The following RORB variants were observed in gnomAD, a reference collection of about 807,000 sequenced individuals.
RORB encodes nuclear receptor ROR-beta.
A neutral mutation model predicts 59.1 loss-of-function variants in RORB; 6 were observed. The observed-to-expected ratio is 0.10, with a 90% CI of 0.06 to 0.20. The LOEUF (loss-of-function observed/expected upper bound fraction) is 0.20, where lower values mean the gene tolerates loss of function less well. Among genes scored for constraint, RORB ranks in the 10% least tolerant of loss-of-function variants. The pLI is 1.00. For missense variants in RORB, 320 were observed against 560.5 expected (o/e 0.57, Z 4.33); for synonymous variants, 215 against 204.5 (o/e 1.05, Z -0.44).
intron 3 of RORB, among the ~76,000 whole-genome samples, chr9:74,636,307 G>C (rs1204850412): frequency 6.6e-6 from 1 of 152,156 alleles, no homozygotes; most frequent in Non-Finnish European, 1.5e-5. Flanking sequence ...TAATAATTGT[G>C]CAAAGAGATA....
chr9:74,529,829 G>A (rs1563929361), intron 1 of RORB, among the ~76,000 whole-genome samples: 1 of 151,594 alleles, frequency 6.6e-6, no homozygotes, highest in Admixed American at 6.6e-5. Context: ...TAGGGTGATG[G>A]GTGCACCAAA....
At chr9:74,542,398 C>T (rs1000098202) in intron 1 of RORB, among the ~76,000 whole-genome samples, 21 of 152,024 alleles carry the variant, frequency 1.4e-4, no homozygotes, top group Admixed American at 5.2e-4. Context: ...TGTTTGAAAT[C>T]GAATTTCAGT....
At position 74,635,132 on chromosome 9, in the gene RORB, A is replaced by G. The variant is rs181197641; in HGVS notation, c.235+360A>G. On this transcript the variant is annotated intron_variant, in intron 3 of 9. Transcript: ENST00000376896. ...AATACCGGAAAGTCCTAAGCAAACC[A>G]GGACCACATCTGAGTATGTTCACTG... Among the ~76,000 whole-genome samples the G allele has an allele frequency of 4.6e-5, 7 of 152,304 alleles. No homozygotes were observed. In the East Asian group the frequency reaches 1.4e-3, roughly 29 times the overall value.
At chr9:74,559,456 T>C (rs1304948280) in intron 1 of RORB, among the ~76,000 whole-genome samples, 1 of 152,178 alleles carries the variant, frequency 6.6e-6, no homozygotes, top group African/African-American at 2.4e-5. Context: ...CCCAGACCCA[T>C]GAAACCCATT....
intron 1 of RORB, among the ~76,000 whole-genome samples, chr9:74,520,371 A>C (rs1003742137): frequency 1.3e-5 from 2 of 151,920 alleles, no homozygotes; most frequent in African/African-American, 4.8e-5. Context: ...AAAGAAAAAA[A>C]CAACTTTGAA....
At chr9:74,617,244 G>GTT (rs1246584877) in intron 1 of RORB, among the ~76,000 whole-genome samples, 1 of 152,138 alleles carries the variant, frequency 6.6e-6, no homozygotes, top group Non-Finnish European at 1.5e-5. Context: ...TGGAACAACC[G>GTT]TAAGTATCTC....
intron 1 of RORB, among the ~76,000 whole-genome samples, chr9:74,551,856 T>A (rs984251031): frequency 6.6e-6 from 1 of 152,188 alleles, no homozygotes; most frequent in African/African-American, 2.4e-5. Flanking sequence ...CACCCTTTTT[T>A]GTTGACTGGA....
intron 1 of RORB, among the ~76,000 whole-genome samples, chr9:74,561,060 C>T (rs1377554074): frequency 1.3e-5 from 2 of 152,038 alleles, no homozygotes; most frequent in Non-Finnish European, 2.9e-5. Flanking sequence ...ATTCAACTTC[C>T]CTTCCATTCT....
chr9:74,636,529 G>A (rs149669933), intron 3 of RORB, among the ~76,000 whole-genome samples: 1 of 152,284 alleles, frequency 6.6e-6, no homozygotes, highest in African/African-American at 2.4e-5. Context: ...GGGAGGATGG[G>A]AGGGTCATTT....
chr9:74,616,837 C>A (rs536405114), intron 1 of RORB, among the ~76,000 whole-genome samples: 6 of 152,138 alleles, frequency 3.9e-5, no homozygotes, highest in African/African-American at 1.4e-4. Context: ...TGCACATACA[C>A]ACACACACAC....
intron 1 of RORB, among the ~76,000 whole-genome samples, chr9:74,622,665 T>A (rs904353877): frequency 1.3e-5 from 2 of 151,662 alleles, no homozygotes; most frequent in Non-Finnish European, 2.9e-5. Flanking sequence ...TAGCTGGGAC[T>A]ACAGGTGCGC....
intron 1 of RORB, among the ~76,000 whole-genome samples, chr9:74,507,257 T>G (rs1825882204): frequency 6.6e-6 from 1 of 152,116 alleles, no homozygotes; most frequent in Non-Finnish European, 1.5e-5. Flanking sequence ...TCTCTAGCTT[T>G]TATGTAAATA....
chr9:74,640,319 C>G (rs780095344), intron 3 of RORB, among the ~76,000 whole-genome samples: 4 of 152,064 alleles, frequency 2.6e-5, no homozygotes, highest in African/African-American at 9.7e-5. Flanking sequence ...CGGCTCACTG[C>G]AGTTTCTGCC....
intron 9 of RORB, among the ~76,000 whole-genome samples, chr9:74,675,650 G>T (rs1304987950): frequency 6.6e-6 from 1 of 152,148 alleles, no homozygotes; most frequent in Non-Finnish European, 1.5e-5. Flanking sequence ...TTGCACTATG[G>T]TCATTTAGTT....
chr9:74,533,727 A>C (rs1429285902), intron 1 of RORB, among the ~76,000 whole-genome samples: 2 of 152,044 alleles, frequency 1.3e-5, no homozygotes, highest in African/African-American at 2.4e-5. Context: ...CATCAGCTAT[A>C]GTAGTTATGA....
At chr9:74,683,940 G>GA (rs1302315391) in intron 9 of RORB, among the ~76,000 whole-genome samples, 4 of 151,906 alleles carry the variant, frequency 2.6e-5, no homozygotes, top group African/African-American at 4.8e-5. Context: ...CATCAAGAAT[G>GA]AAAAAAAATT....
chr9:74,687,846 G>A lies in RORB; in HGVS notation c.*2228G>A, dbSNP rs1824671805. 6.6e-6 allele frequency: 1 copy of A among 152,184 alleles called. No individual in the cohort carries two copies. Among genetic ancestry groups the A allele is most frequent in the Admixed American group, 6.6e-5 (1 of 15,260 alleles). 9.4% of individuals were successfully genotyped at this position (152,184 alleles called of 1,614,324 possible). A position where few individuals can be genotyped will look rare whatever the true frequency, so the allele number is the denominator to read the frequency against. ...CAAATGCAATGTATGTTTTATGATT[G>A]GCTTGTGATAGGCGATGCTTCATGT... is the stretch of plus-strand genomic sequence containing the variant. On this transcript the variant is annotated 3_prime_UTR_variant, in exon 10 of 10. Coordinates refer to ENST00000376896, the MANE Select transcript of RORB (RefSeq NM_006914.4).
At chr9:74,533,795 G>C (rs763374148) in intron 1 of RORB, among the ~76,000 whole-genome samples, 1 of 151,796 alleles carries the variant, frequency 6.6e-6, no homozygotes, top group Non-Finnish European at 1.5e-5. Context: ...AAATATATTC[G>C]TGCTGAAATT....
chr9:74,596,750 G>T (rs1193703462), intron 1 of RORB, among the ~76,000 whole-genome samples: 1 of 152,128 alleles, frequency 6.6e-6, no homozygotes, highest in Non-Finnish European at 1.5e-5. Context: ...GGTAAAAGAG[G>T]TTAATTAGAT....
Sources: allele counts gnomAD v4.1 joint callset (sites outside exome capture counted in the v4.1 genomes callset), GRCh38; gene constraint gnomAD v4.1.1; transcripts MANE v1.5; gene names NCBI Gene and HGNC (gene_info 2026-07-23, HGNC 2026-07-21).